Variants in ALDH1A1 observed in about 807,000 individuals in gnomAD.
ALDH1A1 encodes aldehyde dehydrogenase 1 family member A1, also known as aldehyde dehydrogenase 1A1.
In ALDH1A1, 19 loss-of-function variants were observed where a neutral mutation model predicts 62.1. The ratio of observed to expected loss-of-function variants is 0.31; its 90% CI spans 0.21 to 0.45. ALDH1A1 has a LOEUF of 0.45. ALDH1A1 is among the 20% of genes least tolerant of loss of function. ALDH1A1 has a pLI of 1.00. For synonymous variants in ALDH1A1, 231 were observed against 215.9 expected, an observed-to-expected ratio of 1.07 and a Z score of -0.61; for missense variants, 521 against 607.1, an observed-to-expected ratio of 0.86 and a Z score of 1.49.
rs914138522 is a variant in ALDH1A1, at chr9:72,929,089, T to G, written c.313-68A>C. On this transcript the variant is annotated intron_variant, in intron 3 of 12. Transcript: ENST00000297785. Reference sequence around the variant, plus strand: ...TTAGATTAAAAATATGTAGTAAATATTTTCAGCAATCATGTGCTAGGGAAT... The same window carrying G: ...TTAGATTAAAAATATGTAGTAAATAGTTTCAGCAATCATGTGCTAGGGAAT... The G allele has an allele frequency of 1.1e-5, 16 of 1,516,786 alleles. No individual in the cohort carries two copies. In the African/African-American group the frequency reaches 1.8e-4, roughly 17 times the overall value. 94.0% of individuals were successfully genotyped at this position (1,516,786 alleles called of 1,614,324 possible).
chr9:72,947,597 G>A (rs1217529173), intron 1 of ALDH1A1, among the ~76,000 whole-genome samples: 1 of 151,918 alleles, frequency 6.6e-6, no homozygotes, highest in Non-Finnish European at 1.5e-5. Context: ...TAGGATATGT[G>A]TTATTTACTT....
intron 11 of ALDH1A1, 65 bp from the exon 12 acceptor site, chr9:72,906,097 AGT>A: frequency 7.7e-7 from 1 of 1,294,102 alleles, no homozygotes; most frequent in South Asian, 1.4e-5. Context: ...CCTTTTTGGC[AGT>A]TTTAGAAATT....
chr9:72,925,366 C>T, intron 6 of ALDH1A1, 118 bp downstream of exon 6: 3 of 1,185,434 alleles, frequency 2.5e-6, no homozygotes, highest in South Asian at 3.2e-5. Context: ...ATGTATTCCC[C>T]CCACTGGACA....
chr9:72,916,347 C>G (rs1588134197), intron 9 of ALDH1A1, among the ~76,000 whole-genome samples: 1 of 152,050 alleles, frequency 6.6e-6, no homozygotes, highest in Non-Finnish European at 1.5e-5. Context: ...GAGAGAGAGA[C>G]CTTTACTGAT....
chr9:72,915,440 T>A (rs956791418), intron 9 of ALDH1A1, among the ~76,000 whole-genome samples: 2 of 143,166 alleles, frequency 1.4e-5, no homozygotes, highest in African/African-American at 5.0e-5. Flanking sequence ...TTTAGTTAGA[T>A]AGATAAATAA....
At chr9:72,917,541 C>T (rs777829453) in intron 8 of ALDH1A1, among the ~76,000 whole-genome samples, 6 of 151,958 alleles carry the variant, frequency 3.9e-5, no homozygotes, top group Non-Finnish European at 7.4e-5. Flanking sequence ...CTCTACTCAA[C>T]AGGAAATGTG....
intron 10 of ALDH1A1, 61 bp from the exon 11 acceptor site, chr9:72,909,820 A>G (rs921054474): frequency 7.1e-7 from 1 of 1,412,744 alleles, no homozygotes; most frequent in Non-Finnish European, 9.6e-7. Flanking sequence ...TTTAAATGAT[A>G]TCGTAGATTT....
At chr9:72,921,898 C>G (rs1020396771) in intron 7 of ALDH1A1, among the ~76,000 whole-genome samples, 1 of 151,942 alleles carries the variant, frequency 6.6e-6, no homozygotes, top group African/African-American at 2.4e-5. Flanking sequence ...TTAGGCTGCT[C>G]TGCTCCTGGG....
At chr9:72,921,664 T>TCCCTCCC (rs1355724275) in intron 7 of ALDH1A1, among the ~76,000 whole-genome samples, 1 of 131,576 alleles carries the variant, frequency 7.6e-6, no homozygotes, top group Non-Finnish European at 1.6e-5. Context: ...CCCAATGCTA[T>TCCCTCCC]CCCTCCCCCC....
At position 72,906,255 on chromosome 9, in the gene ALDH1A1, G is replaced by A. The variant is rs142177680; in HGVS notation, c.1359-223C>T. 7.9e-5 allele frequency among the ~76,000 whole-genome samples: 12 copies of A among 152,264 alleles called. No individual in the cohort carries two copies. In the East Asian group the frequency reaches 1.5e-3, roughly 20 times the overall value. ...AATAGTGCAACTATATATATGGATA[G>A]CCATTTTGGTCGTACATTGTGTCCC... On this transcript the variant is annotated intron_variant, in intron 11 of 12. Transcript: ENST00000297785.
At chr9:72,942,872 T>C (rs891342359) in intron 1 of ALDH1A1, among the ~76,000 whole-genome samples, 1 of 152,174 alleles carries the variant, frequency 6.6e-6, no homozygotes. Flanking sequence ...ATTTAATCTC[T>C]TTTTTCTTCT....
At chr9:72,919,554 C>G (rs1830110935) in intron 7 of ALDH1A1, among the ~76,000 whole-genome samples, 1 of 152,232 alleles carries the variant, frequency 6.6e-6, no homozygotes, top group South Asian at 2.1e-4. Context: ...CCTTCAGAGT[C>G]TGATCCAGAT....
intron 11 of ALDH1A1, among the ~76,000 whole-genome samples, chr9:72,909,042 T>C (rs1360688141): frequency 1.3e-5 from 2 of 152,218 alleles, no homozygotes; most frequent in East Asian, 1.9e-4. Context: ...AGAAATTACT[T>C]GGCAATTCTT....
intron 2 of ALDH1A1, among the ~76,000 whole-genome samples, chr9:72,932,139 A>G (rs905113023): frequency 2.0e-5 from 3 of 152,220 alleles, no homozygotes; most frequent in African/African-American, 7.2e-5. Context: ...TCTTTTGTAC[A>G]TAGAACTGGC....
At chr9:72,934,785 A>T (rs1830328440) in intron 2 of ALDH1A1, among the ~76,000 whole-genome samples, 2 of 152,310 alleles carry the variant, frequency 1.3e-5, no homozygotes, top group Non-Finnish European at 2.9e-5. Flanking sequence ...ATTAAGTATC[A>T]TGAGCCTTGG....
chr9:72,933,014 A>G (rs1435995604), intron 2 of ALDH1A1, among the ~76,000 whole-genome samples: 2 of 152,242 alleles, frequency 1.3e-5, no homozygotes, highest in African/African-American at 2.4e-5. Context: ...TCCCTAAAGA[A>G]TGCTGCTATA....
intron 8 of ALDH1A1, among the ~76,000 whole-genome samples, chr9:72,917,733 T>C (rs1830082599): frequency 6.6e-6 from 1 of 152,166 alleles, no homozygotes; most frequent in Admixed American, 6.5e-5. Flanking sequence ...TTTTAGGCGA[T>C]AAAATGTGCA....
intron 11 of ALDH1A1, among the ~76,000 whole-genome samples, chr9:72,909,371 C>A (rs982378214): frequency 6.6e-6 from 1 of 151,956 alleles, no homozygotes; most frequent in Non-Finnish European, 1.5e-5. Flanking sequence ...CCAGGCTGGT[C>A]TCAAACTCCT....
At chr9:72,951,217 A>G (rs1302513492) in intron 1 of ALDH1A1, among the ~76,000 whole-genome samples, 1 of 151,922 alleles carries the variant, frequency 6.6e-6, no homozygotes, top group Non-Finnish European at 1.5e-5. Flanking sequence ...GTTGTTGCAC[A>G]GTGACTTCGA....
Sources: gnomAD v4.1 joint callset for allele counts (sites outside exome capture counted in the v4.1 genomes callset) on GRCh38, gnomAD v4.1.1 for gene constraint, MANE v1.5 for transcripts, NCBI Gene and HGNC (gene_info 2026-07-23, HGNC 2026-07-21) for gene names.